NTRK2: variants seen among roughly 807,000 people sequenced by gnomAD.
NTRK2 encodes the protein neurotrophic receptor tyrosine kinase 2, also known as BDNF/NT-3 growth factors receptor.
A neutral mutation model predicts 94.5 loss-of-function variants in NTRK2; 13 were observed. The observed-to-expected ratio is 0.14, with a 90% CI of 0.09 to 0.22. The LOEUF is 0.22. Ranked by LOEUF, NTRK2 falls within the 10% of genes least tolerant of loss-of-function variation. The pLI is 1.00. For synonymous variants in NTRK2, 372 were observed against 407.4 expected (o/e 0.91, Z 1.05); for missense variants, 639 against 1,071.2 (o/e 0.60, Z 5.63).
chr9:84,717,666 T>C (rs2061786644), intron 6 of NTRK2, among the ~76,000 whole-genome samples: 1 of 152,246 alleles, frequency 6.6e-6, no homozygotes, highest in Non-Finnish European at 1.5e-5. Flanking sequence ...GATAAGGTGA[T>C]AAATGGAAAA....
chr9:84,815,066 C>G, intron 12 of NTRK2: 1 of 1,058,752 alleles, frequency 9.4e-7, no homozygotes, highest in Non-Finnish European at 1.1e-6. Context: ...AACTCCCAGC[C>G]CAGGAAAGTT....
intron 12 of NTRK2, among the ~76,000 whole-genome samples, chr9:84,761,295 A>G (rs2065543190): frequency 6.6e-6 from 1 of 152,112 alleles, no homozygotes; most frequent in Admixed American, 6.6e-5. Flanking sequence ...GGGGGAGGTG[A>G]CTTAAGGGGT....
At chr9:84,945,489 C>T (rs978387830) in intron 15 of NTRK2, among the ~76,000 whole-genome samples, 9 of 152,190 alleles carry the variant, frequency 5.9e-5, no homozygotes, top group African/African-American at 1.9e-4. Context: ...ACTTCCATCT[C>T]TTCTATCTCC....
chr9:84,669,457 C>T (rs2058558908), upstream of NTRK2: 1 of 151,716 alleles, frequency 6.6e-6, no homozygotes, highest in South Asian at 2.1e-4. The surrounding 1 kb of genome is among the most constrained non-coding windows in gnomAD (Gnocchi z 4.1). Flanking sequence ...CACACACAGA[C>T]ACACACACGC....
chr9:84,991,318 C>T (rs569545093), intron 17 of NTRK2, among the ~76,000 whole-genome samples: 7 of 152,320 alleles, frequency 4.6e-5, no homozygotes, highest in Non-Finnish European at 8.8e-5. Context: ...ATAGCGGACA[C>T]GTTGCTTCCC....
intron 17 of NTRK2, among the ~76,000 whole-genome samples, chr9:85,004,541 T>C (rs1316525171): frequency 1.3e-5 from 2 of 152,196 alleles, no homozygotes; most frequent in African/African-American, 2.4e-5. Context: ...GATCTGCACA[T>C]AAATACGTGT....
chr9:84,921,105 A>T (rs1176861912), intron 14 of NTRK2, among the ~76,000 whole-genome samples: 1 of 152,222 alleles, frequency 6.6e-6, no homozygotes, highest in Non-Finnish European at 1.5e-5. Context: ...CTTCATGACA[A>T]AATGTGGGAG....
intron 2 of NTRK2, among the ~76,000 whole-genome samples, chr9:84,698,314 TTTGC>T (rs2060513444): frequency 6.6e-6 from 1 of 152,106 alleles, no homozygotes; most frequent in Non-Finnish European, 1.5e-5. Context: ...AGTATACAAT[TTTGC>T]TTATCTTCTT....
chr9:84,814,160 C>T (rs1454373760), intron 12 of NTRK2: 1 of 1,065,510 alleles, frequency 9.4e-7, no homozygotes, highest in Non-Finnish European at 1.1e-6. Context: ...AGGACAAGAA[C>T]TAAACAATCC....
At chr9:84,777,067 G>C (rs981070024) in intron 12 of NTRK2, among the ~76,000 whole-genome samples, 1 of 152,122 alleles carries the variant, frequency 6.6e-6, no homozygotes, top group Non-Finnish European at 1.5e-5. Flanking sequence ...CTAATACCTA[G>C]ATTGTACTCA....
chr9:84,814,198 G>A (rs181126414), intron 12 of NTRK2: 1 of 1,065,748 alleles, frequency 9.4e-7, no homozygotes, highest in African/African-American at 1.6e-5. Flanking sequence ...ACAGAACACA[G>A]GAGTTTGCTT....
chr9:84,926,169 C>CCTTGCTTTCTTTCTTT (rs2077790007), intron 14 of NTRK2, among the ~76,000 whole-genome samples: 4 of 38,514 alleles, frequency 1.0e-4, no homozygotes, highest in African/African-American at 3.7e-4. Flanking sequence ...TTCCTTCCTT[C>CCTTGCTTTCTTTCTTT]CTTTCTTTCT....
intron 12 of NTRK2, among the ~76,000 whole-genome samples, chr9:84,759,561 A>G (rs762719273): frequency 6.6e-6 from 1 of 152,240 alleles, no homozygotes; most frequent in Non-Finnish European, 1.5e-5. Context: ...ATTTTCACTA[A>G]AGGTGAAAGA....
intron 14 of NTRK2, among the ~76,000 whole-genome samples, chr9:84,903,466 A>G (rs1410108537): frequency 6.6e-6 from 1 of 152,208 alleles, no homozygotes; most frequent in African/African-American, 2.4e-5. Flanking sequence ...ATCTTTCCCA[A>G]TCTCCATGTT....
chr9:84,774,815 G>A (rs1026441263), intron 12 of NTRK2, among the ~76,000 whole-genome samples: 11 of 152,110 alleles, frequency 7.2e-5, no homozygotes, highest in Non-Finnish European at 5.9e-5. Context: ...TGAGAAACTA[G>A]CGCATGGAAT....
chr9:85,013,548 C>T (rs1160152366), intron 17 of NTRK2, among the ~76,000 whole-genome samples: 2 of 152,150 alleles, frequency 1.3e-5, no homozygotes, highest in Admixed American at 6.5e-5. Context: ...ATCTGCCCAC[C>T]CTGGCCTCCC....
At chr9:85,004,019 G>GAAAGAAAGAAA (rs1476746681) in intron 17 of NTRK2, among the ~76,000 whole-genome samples, 1 of 48,346 alleles carries the variant, frequency 2.1e-5, no homozygotes. Context: ...AAAAGAAAGA[G>GAAAGAAAGAAA]AGAAAGAAAG....
rs1358572908 is a variant in NTRK2, at chr9:84,871,869, C to T, written c.1633+4438C>T. 7 of 1,613,210 alleles carry T rather than the reference C, an allele frequency of 4.3e-6. No homozygotes were observed. In the Admixed American group the frequency reaches 1.2e-4, roughly 27 times the overall value. ...GTGTCACTGCAGGAACTAAAGGAGG[C>T]TAAATCCATGCCTGATGGAGGAGAA... On this transcript the variant is annotated intron_variant, in intron 14 of 18. Transcript: ENST00000277120.
chr9:84,801,093 T>C (rs907634671), intron 12 of NTRK2, among the ~76,000 whole-genome samples: 1 of 152,216 alleles, frequency 6.6e-6, no homozygotes, highest in Non-Finnish European at 1.5e-5. Flanking sequence ...TGCCTGCGAA[T>C]GGAAAGCTGG....
Sources: gnomAD v4.1 joint callset for allele counts (sites outside exome capture counted in the v4.1 genomes callset) on GRCh38, gnomAD v4.1.1 for gene constraint, Gnocchi (gnomAD v3.1) non-coding constraint, MANE v1.5 for transcripts, NCBI Gene and HGNC (gene_info 2026-07-23, HGNC 2026-07-21) for gene names.